PDE11A: variants seen among roughly 807,000 people sequenced by gnomAD.
The protein encoded by PDE11A is dual 3',5'-cyclic-AMP and -GMP phosphodiesterase 11A.
A neutral mutation model predicts 100.5 loss-of-function variants in PDE11A; 100 were observed. That is an observed-to-expected ratio of 1.00 (90% CI 0.85 to 1.18). The LOEUF is 1.18. PDE11A is among the 50% of genes most tolerant of loss of function. The pLI is 0.00. For missense variants in PDE11A, 1,141 were observed against 1,152.6 expected (o/e 0.99, Z 0.15); for synonymous variants, 381 against 420.8 (o/e 0.91, Z 1.16).
intron 12 of PDE11A, among the ~76,000 whole-genome samples, chr2:177,715,637 G>T (rs1224648619): frequency 6.6e-6 from 1 of 151,906 alleles, no homozygotes; most frequent in Non-Finnish European, 1.5e-5. Context: ...AATATGTTTA[G>T]TTTATAAAAA....
chr2:177,845,795 G>T (rs1423672869), intron 5 of PDE11A, among the ~76,000 whole-genome samples: 1 of 152,218 alleles, frequency 6.6e-6, no homozygotes, highest in Non-Finnish European at 1.5e-5. Flanking sequence ...TCGGGAGGCC[G>T]AGGCTGGTGG....
At chr2:178,045,790 G>T (rs2086742380) in intron 1 of PDE11A, among the ~76,000 whole-genome samples, 1 of 152,228 alleles carries the variant, frequency 6.6e-6, no homozygotes, top group South Asian at 2.1e-4. Context: ...AAAATAATCA[G>T]TTACCTGGTG....
chr2:177,900,844 A>G (rs564424228), intron 3 of PDE11A, among the ~76,000 whole-genome samples: 66 of 152,348 alleles, frequency 4.3e-4, no homozygotes, highest in Middle Eastern at 3.4e-3. Context: ...AGCAATTGAA[A>G]GAGGACCAAA....
chr2:178,069,721 G>C (rs2087100321), intron 1 of PDE11A, among the ~76,000 whole-genome samples: 1 of 152,194 alleles, frequency 6.6e-6, no homozygotes, highest in African/African-American at 2.4e-5. Flanking sequence ...CCCTGCCTGT[G>C]ATGACACCTA....
At chr2:177,769,926 A>G (rs1294171691) in intron 9 of PDE11A, among the ~76,000 whole-genome samples, 1 of 151,594 alleles carries the variant, frequency 6.6e-6, no homozygotes, top group Admixed American at 6.6e-5. Flanking sequence ...TGTGGCTCAA[A>G]ACTGTAGTTC....
intron 2 of PDE11A, among the ~76,000 whole-genome samples, chr2:178,089,542 G>A (rs557435277): frequency 1.3e-5 from 2 of 152,314 alleles, no homozygotes; most frequent in African/African-American, 4.8e-5. Flanking sequence ...TGAGGTGTGA[G>A]GAATTTTATC....
intron 6 of PDE11A, among the ~76,000 whole-genome samples, chr2:177,826,099 AG>A (rs2083222363): frequency 2.0e-5 from 3 of 152,266 alleles, no homozygotes; most frequent in Admixed American, 2.0e-4. Flanking sequence ...CATGAGACAA[AG>A]CAGCCTTTCT....
Position 177,697,363 on chromosome 2 carries a change from T to C in PDE11A, c.2314A>G (p.Ile772Val), listed in dbSNP as rs1389734927. The C allele has an allele frequency of 2.1e-5, 33 of 1,596,146 alleles. No individual in the cohort carries two copies. Among genetic ancestry groups the C allele is most frequent in the African/African-American group, 5.4e-5 (4 of 74,528 alleles). ...TACAGCGTGAGGTCTGTTGCCAATA[T>C]TGACTGCTTCAAAAGCTGCATAAGG... ...SDLMQLLKQS[I>V]LATDLTLYFE... Residue 772 changes from isoleucine to valine, a missense_variant, in exon 15 of 20, where the codon ATA becomes GTA. Physicochemically the swap from Ile to Val is conservative, Grantham distance 29 (BLOSUM62 3). Transcript: ENST00000286063.
intron 9 of PDE11A, among the ~76,000 whole-genome samples, chr2:177,789,028 A>G (rs921074223): frequency 6.6e-6 from 1 of 152,236 alleles, no homozygotes. Flanking sequence ...AATTCTCCCT[A>G]ACTCATTTTA....
intron 4 of PDE11A, among the ~76,000 whole-genome samples, chr2:177,889,373 T>C (rs2084492510): frequency 6.6e-6 from 1 of 152,342 alleles, no homozygotes; most frequent in East Asian, 1.9e-4. Flanking sequence ...CAAATGTGTT[T>C]CAGTGCTAAG....
In PDE11A at chr2:177,626,229, T is replaced by C. The variant is rs1421336398; in HGVS notation, c.*3178A>G. 6.6e-6 allele frequency: 1 copy of C among 152,624 alleles called. No individual in the cohort carries two copies. The highest frequency in any genetic ancestry group is 1.5e-5 in the Non-Finnish European group (1 of 68,048). The allele number at this position is 152,624 out of a possible 1,614,324, so 9.5% of individuals were successfully genotyped here. A position where few individuals can be genotyped will look rare whatever the true frequency, so the allele number is the denominator to read the frequency against. On this transcript the variant is annotated 3_prime_UTR_variant, in exon 20 of 20. Transcript: ENST00000286063. ...CAATATGTAGCATCAATGTTCAGGA[T>C]AGCTACAGTGCTCACGGCAGCCTGC...
Position 177,801,762 on chromosome 2 carries a change from A to G in PDE11A, c.1737+15067T>C, listed in dbSNP as rs539953342. Among the ~76,000 whole-genome samples, 151 of 152,270 alleles carry G rather than the reference A, an allele frequency of 9.9e-4. 1 individual carries two copies. Among genetic ancestry groups the G allele is most frequent in the African/African-American group, 3.6e-3 (151 of 41,588 alleles). On this transcript the variant is annotated intron_variant, in intron 9 of 19. Transcript: ENST00000286063. ...CTAAACCCAAAAAAGCTTTTAGAGGAGAAAACAGTACAATATATTCTTGAT... is the reference window on the plus strand; with the variant it reads ...CTAAACCCAAAAAAGCTTTTAGAGGGGAAAACAGTACAATATATTCTTGAT...
At chr2:177,803,691 A>C (rs1364610960) in intron 9 of PDE11A, among the ~76,000 whole-genome samples, 1 of 152,118 alleles carries the variant, frequency 6.6e-6, no homozygotes, top group Non-Finnish European at 1.5e-5. Flanking sequence ...AACAGAATTA[A>C]AAACAAAAAC....
intron 2 of PDE11A, chr2:178,104,268 T>G: frequency 6.3e-7 from 1 of 1,585,228 alleles, no homozygotes; most frequent in Non-Finnish European, 8.7e-7. Context: ...TCCTACAGTG[T>G]ATCTGGTTCT....
chr2:177,751,071 C>T lies in PDE11A; in HGVS notation c.1788+18252G>A, dbSNP rs1574105818. Among the ~76,000 whole-genome samples the T allele has an allele frequency of 2.0e-5, 3 of 151,702 alleles. No homozygotes were observed. In the East Asian group the frequency reaches 5.8e-4, roughly 29 times the overall value. ...AGAGCTGAGAGCCACTGACAGAAGC[C>T]TCTCACTTATGCATCCCAATTATCC... On this transcript the variant is annotated intron_variant, in intron 10 of 19. Transcript: ENST00000286063.
At chr2:177,962,786 G>A (rs183604331) in intron 2 of PDE11A, among the ~76,000 whole-genome samples, 89 of 152,142 alleles carry the variant, frequency 5.8e-4, no homozygotes, top group African/African-American at 2.0e-3. Context: ...AAATTAAAGT[G>A]TGCATTATCA....
At chr2:177,925,340 C>T (rs1175874996) in intron 2 of PDE11A, among the ~76,000 whole-genome samples, 5 of 151,694 alleles carry the variant, frequency 3.3e-5, no homozygotes, top group Non-Finnish European at 7.4e-5. Context: ...GTTTACAGTC[C>T]CACCAACAGT....
intron 2 of PDE11A, among the ~76,000 whole-genome samples, chr2:178,081,396 GA>G (rs1259958275): frequency 7.9e-5 from 12 of 151,902 alleles, no homozygotes; most frequent in African/African-American, 2.9e-4. Context: ...AAAATATAGA[GA>G]AAAAGAAAAA....
At chr2:177,903,014 T>C (rs1357354143) in intron 3 of PDE11A, among the ~76,000 whole-genome samples, 1 of 152,206 alleles carries the variant, frequency 6.6e-6, no homozygotes, top group African/African-American at 2.4e-5. Flanking sequence ...AATCATCTAA[T>C]GGCTTTCCAT....
Sources: allele counts gnomAD v4.1 joint callset (sites outside exome capture counted in the v4.1 genomes callset), GRCh38; gene constraint gnomAD v4.1.1; transcripts MANE v1.5; gene names NCBI Gene and HGNC (gene_info 2026-07-23, HGNC 2026-07-21).